Variants in NEXMIF observed in about 807,000 individuals in gnomAD.
NEXMIF encodes neurite extension and migration factor.
Under a neutral mutation model 62.1 loss-of-function variants are expected in NEXMIF, and 8 were observed. The observed-to-expected ratio is 0.13, with a 90% CI of 0.08 to 0.23. NEXMIF has a LOEUF of 0.23. NEXMIF is among the 10% of genes least tolerant of loss of function. The probability of loss-of-function intolerance (pLI) is 1.00; values close to 1 mark genes in which losing one functional copy is unlikely to be tolerated. For missense variants in NEXMIF, 976 were observed against 1,113.3 expected (o/e 0.88, Z 1.75); for synonymous variants, 404 against 416.6 (o/e 0.97, Z 0.37).
intron 1 of NEXMIF, among the ~76,000 whole-genome samples, chrX:74,878,815 C>T (rs1367086112): frequency 8.9e-6 from 1 of 112,562 alleles, no homozygotes; most frequent in East Asian, 2.8e-4. Flanking sequence ...CCTTGCGCTT[C>T]CCGTGTGAAG....
intron 1 of NEXMIF, among the ~76,000 whole-genome samples, chrX:74,787,416 T>C (rs894370324): frequency 8.9e-6 from 1 of 111,825 alleles, no homozygotes; most frequent in African/African-American, 3.3e-5. Context: ...AAGACCTACA[T>C]AGCTAATTAG....
At chrX:74,843,253 T>G (rs146561599) in intron 1 of NEXMIF, among the ~76,000 whole-genome samples, 162 of 112,006 alleles carry the variant, frequency 1.4e-3, no homozygotes, top group African/African-American at 4.7e-3. Flanking sequence ...TGATCTTTCT[T>G]CGTTTGAAAT....
At position 74,741,441 on chromosome X, in the gene NEXMIF, C is replaced by A. The variant is rs745328913; in HGVS notation, c.3116G>T (p.Ser1039Ile). The change falls in exon 3 of 4, where the codon AGC becomes ATC. Residue 1039 changes from serine (S) to isoleucine (I), a missense_variant. Ser to Ile is a moderately radical substitution (Grantham distance 142). Transcript: ENST00000055682. ...CTTTAGTGGTGCTATCTCATCAATG[C>A]TTTGCTGGATCACCAGCTTAGGGCT... is the stretch of plus-strand genomic sequence containing the variant. ...HCSPKLVIQQ[S>I]IDEIAPLKES... 2 of 1,209,644 alleles carry A rather than the reference C, an allele frequency of 1.7e-6. No homozygotes were observed. Among genetic ancestry groups the A allele is most frequent in the African/African-American group, 3.5e-5 (2 of 57,018 alleles).
intron 1 of NEXMIF, among the ~76,000 whole-genome samples, chrX:74,915,876 C>T (rs1423113674): frequency 9.0e-6 from 1 of 111,289 alleles, no homozygotes; most frequent in Non-Finnish European, 1.9e-5. Flanking sequence ...TATAGCCCTG[C>T]CTACACCTTG....
intron 1 of NEXMIF, among the ~76,000 whole-genome samples, chrX:74,878,198 C>T (rs1357853966): frequency 9.0e-6 from 1 of 111,479 alleles, no homozygotes; most frequent in East Asian, 2.8e-4. Context: ...TGTTAGTTTT[C>T]CTTCTAACAG....
intron 1 of NEXMIF, among the ~76,000 whole-genome samples, chrX:74,878,922 G>T (rs1202672557): frequency 3.5e-5 from 4 of 112,694 alleles, no homozygotes; most frequent in African/African-American, 1.3e-4. Flanking sequence ...CGGTACCTCA[G>T]ATGGAAATGC....
At chrX:74,796,245 C>CATATATAATATATATATATACAA in intron 1 of NEXMIF, among the ~76,000 whole-genome samples, 1 of 14,436 alleles carries the variant, frequency 6.9e-5, no homozygotes, top group Non-Finnish European at 3.9e-4. Context: ...TATATATATA[C>CATATATAATATATATATATACAA]ACATATATAT....
At chrX:74,838,407 A>G (rs916521667) in intron 1 of NEXMIF, among the ~76,000 whole-genome samples, 1 of 112,453 alleles carries the variant, frequency 8.9e-6, no homozygotes, top group African/African-American at 3.2e-5. Flanking sequence ...AAGCAACTGA[A>G]TCAAAGTGGG....
At chrX:74,778,228 C>T (rs186287852) in intron 1 of NEXMIF, among the ~76,000 whole-genome samples, 2 of 111,754 alleles carry the variant, frequency 1.8e-5, no homozygotes, top group African/African-American at 6.5e-5. Context: ...GTGCATGGTG[C>T]CTGATTCCTC....
intron 1 of NEXMIF, among the ~76,000 whole-genome samples, chrX:74,896,956 C>T (rs919732241): frequency 8.9e-6 from 1 of 112,081 alleles, no homozygotes; most frequent in African/African-American, 3.2e-5. Context: ...TAACCATATG[C>T]TTTCTAAGTT....
rs375109305 is a variant in NEXMIF at position 74,743,403 on chromosome X, C to T, written c.1154G>A (p.Gly385Asp). 4 of 1,211,436 alleles carry T rather than the reference C, an allele frequency of 3.3e-6. No homozygotes were observed. Among genetic ancestry groups the T allele is most frequent in the East Asian group, 3.0e-5 (1 of 33,832 alleles). The stretch of plus-strand genomic sequence containing the variant: ...TTTGTCTTCCTGTCCTTCCTCTTTG[C>T]CTTTCTTCTTGTCCAAGTTTTTATC... ...EEDKNLDKKK[G>D]KEEGQEDKGV... is the part of the protein sequence containing the mutation. Residue 385 changes from glycine (G) to aspartate (D), a missense_variant, in exon 3 of 4, where the codon GGC becomes GAC. Gly to Asp is a moderately conservative substitution (Grantham distance 94). Coordinates refer to ENST00000055682, the MANE Select transcript of NEXMIF (RefSeq NM_001008537.3).
intron 1 of NEXMIF, among the ~76,000 whole-genome samples, chrX:74,800,080 A>G (rs1200048338): frequency 8.9e-6 from 1 of 112,026 alleles, no homozygotes; most frequent in Non-Finnish European, 1.9e-5. Flanking sequence ...CAACAGCAGC[A>G]GAATACACAT....
At chrX:74,858,372 C>T (rs1174321058) in intron 1 of NEXMIF, among the ~76,000 whole-genome samples, 3 of 112,072 alleles carry the variant, frequency 2.7e-5, no homozygotes, top group Non-Finnish European at 3.8e-5. Flanking sequence ...ACAAGAGTCT[C>T]TCTGTCTGGT....
At chrX:74,859,732 AAAC>A (rs1326734630) in intron 1 of NEXMIF, among the ~76,000 whole-genome samples, 3 of 111,576 alleles carry the variant, frequency 2.7e-5, no homozygotes, top group South Asian at 3.7e-4. Context: ...ATATAAATAG[AAAC>A]AACAAAAAGT....
chrX:74,889,015 C>T (rs945962633), intron 1 of NEXMIF, among the ~76,000 whole-genome samples: 23 of 111,474 alleles, frequency 2.1e-4, no homozygotes, highest in African/African-American at 7.5e-4. Flanking sequence ...TAATCCATGC[C>T]CTGCTTATAT....
Position 74,851,591 on chromosome X carries a change from A to G in NEXMIF, c.-48+73292T>C, listed in dbSNP as rs755128060. On this transcript the variant is annotated intron_variant, in intron 1 of 3. Coordinates refer to ENST00000055682, the MANE Select transcript of NEXMIF (RefSeq NM_001008537.3). ...ATGACATCTTCAAAGTGCTTAAAGG[A>G]AAAAAAAAAAATAACTGCCAGCCAA... Among the ~76,000 whole-genome samples the G allele has an allele frequency of 1.3e-4, 12 of 89,859 alleles. No individual in the cohort carries two copies. In the South Asian group the frequency reaches 6.0e-3, roughly 45 times the overall value. 78.0% of individuals were successfully genotyped at this position (89,859 alleles called of 115,157 possible).
intron 1 of NEXMIF, among the ~76,000 whole-genome samples, chrX:74,847,333 A>G (rs1246961823): frequency 1.8e-5 from 2 of 112,053 alleles, no homozygotes; most frequent in African/African-American, 6.5e-5. Context: ...TGATAACAAA[A>G]TAAATATAGT....
In NEXMIF at chrX:74,740,982, G is replaced by C; in HGVS notation, c.3575C>G (p.Ser1192Cys). 1 of 1,211,642 alleles carries C rather than the reference G, an allele frequency of 8.3e-7. No homozygotes were observed. The highest frequency in any genetic ancestry group is 2.2e-5 in the Admixed American group (1 of 46,024). The change falls in exon 3 of 4, where the codon TCT (serine) becomes TGT (cysteine). Residue 1192 changes from serine to cysteine, a missense_variant. Around this residue, in one of 5 missense-constraint regions of NEXMIF, gnomAD observed 639 missense variants for 694.5 expected, o/e 0.92. Transcript: ENST00000055682. Reference sequence around the variant, plus strand: ...GGATTTTTTCCTGGTGTTTTTCTGAGAAGAGCTTTGGTTCATAGCCCCACT... The same window carrying C: ...GGATTTTTTCCTGGTGTTTTTCTGACAAGAGCTTTGGTTCATAGCCCCACT... Reference protein sequence around the residue: ...SKSGAMNQSSSQKNTRKKSLK... With the variant: ...SKSGAMNQSSCQKNTRKKSLK...
rs2080840357 is a variant in NEXMIF at position 74,925,170 on chromosome X, G to GA, written c.-336dup. ...TGTCGGGCTCTGGCCCTGAAACTCAGAGCCTCCGCGGCTGCCCGGCTGCTC... is the reference window on the plus strand; with the variant it reads ...TGTCGGGCTCTGGCCCTGAAACTCAGAAGCCTCCGCGGCTGCCCGGCTGCTC... On this transcript the variant is annotated 5_prime_UTR_variant, in exon 1 of 4. Coordinates refer to ENST00000055682, the MANE Select transcript of NEXMIF (RefSeq NM_001008537.3). 8.6e-6 allele frequency: 1 copy of GA among 115,951 alleles called. No individual in the cohort carries two copies. Among genetic ancestry groups the GA allele is most frequent in the Admixed American group, 9.2e-5 (1 of 10,890 alleles). The allele number at this position is 115,951 out of a possible 1,213,427, so 9.6% of individuals were successfully genotyped here.
Sources: allele counts gnomAD v4.1 joint callset (sites outside exome capture counted in the v4.1 genomes callset), GRCh38; gene constraint gnomAD v4.1.1; regional missense constraint gnomAD v4.1.1; transcripts MANE v1.5; gene names NCBI Gene and HGNC (gene_info 2026-07-23, HGNC 2026-07-21).